Variants in NTM observed in about 807,000 individuals in gnomAD.
NTM encodes neurotrimin, also known as IgLON family member 2.
Under a neutral mutation model 42.1 loss-of-function variants are expected in NTM, and 13 were observed. The observed-to-expected ratio is 0.31, with a 90% CI of 0.20 to 0.49. The LOEUF (loss-of-function observed/expected upper bound fraction) is 0.49, where lower values mean the gene tolerates loss of function less well. Ranked by LOEUF, NTM falls within the 20% of genes least tolerant of loss-of-function variation. NTM has a pLI of 0.99. For synonymous variants in NTM, 187 were observed against 179.2 expected (o/e 1.04, Z -0.35); for missense variants, 373 against 452.8 (o/e 0.82, Z 1.60).
intron 1 of NTM, among the ~76,000 whole-genome samples, chr11:131,682,128 G>A (rs952427464): frequency 6.6e-6 from 1 of 152,104 alleles, no homozygotes; most frequent in Non-Finnish European, 1.5e-5. Flanking sequence ...GGTCATCACT[G>A]GGTCATCTCC....
chr11:131,592,683 C>CAA (rs1451584418), intron 1 of NTM, among the ~76,000 whole-genome samples: 1 of 141,228 alleles, frequency 7.1e-6, no homozygotes, highest in African/African-American at 2.9e-5. Flanking sequence ...CACACACACA[C>CAA]ACACCATAGT....
intron 1 of NTM, among the ~76,000 whole-genome samples, chr11:131,832,380 A>G (rs1348930142): frequency 6.6e-6 from 1 of 152,148 alleles, no homozygotes; most frequent in Non-Finnish European, 1.5e-5. Flanking sequence ...CTTTTAAGAA[A>G]AAAAAACCAT....
At position 131,598,899 on chromosome 11, in the gene NTM, C is replaced by T. The variant is rs1415854797; in HGVS notation, c.82+228011C>T. On this transcript the variant is annotated intron_variant, in intron 1 of 8. Transcript: ENST00000683400. Reference sequence around the variant, plus strand: ...TTCTTCCTTCCTTCCTTCCTTCCTTCCTTCCTTCCTTCCTTCCTTCCTTCT... The same window carrying T: ...TTCTTCCTTCCTTCCTTCCTTCCTTTCTTCCTTCCTTCCTTCCTTCCTTCT... 3.3e-3 allele frequency among the ~76,000 whole-genome samples: 415 copies of T among 125,594 alleles called. 33 individuals are homozygous for T. Among genetic ancestry groups the T allele is most frequent in the African/African-American group, 0.013 (397 of 29,592 alleles). 82.4% of individuals were successfully genotyped at this position (125,594 alleles called of 152,430 possible).
At position 131,889,672 on chromosome 11, in the gene NTM, G is replaced by A. The variant is rs551306128; in HGVS notation, c.83-21892G>A. Among the ~76,000 whole-genome samples, 75 of 152,236 alleles carry A rather than the reference G, an allele frequency of 4.9e-4. 1 individual carries two copies. Among genetic ancestry groups the A allele is most frequent in the Admixed American group, 1.5e-3 (23 of 15,288 alleles). ...AAGGAGTAGGGACTTTGTCCTCACCGCCTGTCACTTACAAATAGAGAGAAA... is the reference window on the plus strand; with the variant it reads ...AAGGAGTAGGGACTTTGTCCTCACCACCTGTCACTTACAAATAGAGAGAAA... On this transcript the variant is annotated intron_variant, in intron 1 of 8. Transcript: ENST00000683400.
chr11:132,139,860 C>T (rs1470628957), intron 2 of NTM, among the ~76,000 whole-genome samples: 2 of 152,036 alleles, frequency 1.3e-5, no homozygotes, highest in East Asian at 1.9e-4. Flanking sequence ...TGTGTGCCTA[C>T]GTTGTACTCT....
intron 4 of NTM, among the ~76,000 whole-genome samples, chr11:132,220,243 A>T (rs2084864802): frequency 6.6e-6 from 1 of 152,218 alleles, no homozygotes; most frequent in Non-Finnish European, 1.5e-5. Context: ...ATTGGGGAAA[A>T]GTGTCCAGGA....
intron 1 of NTM, among the ~76,000 whole-genome samples, chr11:131,595,069 C>A (rs1322040564): frequency 2.0e-5 from 3 of 152,192 alleles, no homozygotes; most frequent in Non-Finnish European, 1.5e-5. Context: ...GCACCTGCGT[C>A]TTTAATTAAG....
intron 1 of NTM, among the ~76,000 whole-genome samples, chr11:131,736,355 G>A (rs181346620): frequency 1.3e-5 from 2 of 152,102 alleles, no homozygotes; most frequent in African/African-American, 4.8e-5. Flanking sequence ...AACCCTCCAG[G>A]CTTCTTCTAC....
At chr11:132,113,835 A>G (rs2063540493) in intron 2 of NTM, among the ~76,000 whole-genome samples, 1 of 152,164 alleles carries the variant, frequency 6.6e-6, no homozygotes, top group Non-Finnish European at 1.5e-5. Context: ...AGAGAGACAA[A>G]GGGCTGGCTG....
At chr11:132,005,857 CCT>C (rs1362111150) in intron 2 of NTM, among the ~76,000 whole-genome samples, 1 of 152,192 alleles carries the variant, frequency 6.6e-6, no homozygotes, top group East Asian at 1.9e-4. Context: ...TCAAATCCCT[CCT>C]GTTTCCCTAA....
chr11:131,931,328 A>G (rs1398372365), intron 2 of NTM, among the ~76,000 whole-genome samples: 7 of 152,066 alleles, frequency 4.6e-5, no homozygotes, highest in Admixed American at 3.9e-4. Context: ...GGTCCCAGCT[A>G]CTGGAGAGGC....
intron 2 of NTM, among the ~76,000 whole-genome samples, chr11:132,075,515 A>G (rs193049768): frequency 2.1e-3 from 322 of 152,212 alleles, no homozygotes; most frequent in African/African-American, 7.6e-3. Context: ...TTTGTCTTTT[A>G]TTGGTTGTTT....
chr11:132,004,904 A>G (rs914900759), intron 2 of NTM, among the ~76,000 whole-genome samples: 1 of 152,218 alleles, frequency 6.6e-6, no homozygotes, highest in African/African-American at 2.4e-5. Context: ...AATTGCTGAC[A>G]GTTTTAATAG....
chr11:132,119,736 T>C (rs1298326793), intron 2 of NTM, among the ~76,000 whole-genome samples: 1 of 152,244 alleles, frequency 6.6e-6, no homozygotes, highest in Non-Finnish European at 1.5e-5. Context: ...TGATGGGCTT[T>C]GGGGACCTTC....
At chr11:132,293,320 A>T (rs2094511407) in intron 4 of NTM, among the ~76,000 whole-genome samples, 1 of 152,216 alleles carries the variant, frequency 6.6e-6, no homozygotes, top group Admixed American at 6.5e-5. Flanking sequence ...CAACAAAAAA[A>T]TATGTGCGGT....
chr11:131,848,700 CGCCCTT>C (rs2045204279), intron 1 of NTM, among the ~76,000 whole-genome samples: 1 of 152,188 alleles, frequency 6.6e-6, no homozygotes, highest in Admixed American at 6.5e-5. Flanking sequence ...CATCTGTCAT[CGCCCTT>C]GGTTCTCATT....
rs1430023958 is a variant in NTM, at chr11:131,598,865, CT to C, written c.82+227979del. On this transcript the variant is annotated intron_variant, in intron 1 of 8. Transcript: ENST00000683400. ...TCTTTCTTTCTTCCTTCCTTCCTTC[CT>C]TCCTTCCTTCTTCCTTCCTTCCTTC... Among the ~76,000 whole-genome samples the C allele has an allele frequency of 2.3e-3, 90 of 38,854 alleles. 10 individuals are homozygous for C. Among genetic ancestry groups the C allele is most frequent in the African/African-American group, 5.7e-3 (85 of 14,842 alleles). The allele number at this position is 38,854 out of a possible 152,430, so 25.5% of individuals were successfully genotyped here.
At chr11:132,024,721 T>C (rs538183300) in intron 2 of NTM, among the ~76,000 whole-genome samples, 22 of 152,318 alleles carry the variant, frequency 1.4e-4, no homozygotes, top group African/African-American at 5.3e-4. Context: ...TTCCGGACTT[T>C]CCCTGAAGTT....
chr11:132,112,079 A>ACAAATAT (rs1286692850), intron 2 of NTM, among the ~76,000 whole-genome samples: 30 of 152,338 alleles, frequency 2.0e-4, no homozygotes, highest in Middle Eastern at 6.8e-3. Flanking sequence ...GTCCTGAATG[A>ACAAATAT]AGGCCAAGCT....
Sources: allele counts gnomAD v4.1 joint callset (sites outside exome capture counted in the v4.1 genomes callset), GRCh38; gene constraint gnomAD v4.1.1; transcripts MANE v1.5; gene names NCBI Gene and HGNC (gene_info 2026-07-23, HGNC 2026-07-21).